Variants in CENPP observed in about 807,000 individuals in gnomAD.
CENPP encodes centromere protein P.
A neutral mutation model predicts 35.6 loss-of-function variants in CENPP; 24 were observed. The ratio of observed to expected loss-of-function variants is 0.67; its 90% CI spans 0.49 to 0.95. CENPP has a LOEUF of 0.95. CENPP is among the 40% of genes least tolerant of loss of function. The pLI is 0.00. For missense variants in CENPP, 332 were observed against 345.3 expected, an observed-to-expected ratio of 0.96 and a Z score of 0.31; for synonymous variants, 120 against 125.5, an observed-to-expected ratio of 0.96 and a Z score of 0.29.
intron 5 of CENPP, among the ~76,000 whole-genome samples, chr9:92,497,653 G>GA (rs1846427139): frequency 6.6e-6 from 1 of 150,482 alleles, no homozygotes; most frequent in South Asian, 2.1e-4. Flanking sequence ...AAAGAAAAAA[G>GA]AAAAAAAGGG....
At chr9:92,500,192 CTT>C (rs368245554) in intron 5 of CENPP, among the ~76,000 whole-genome samples, 31 of 151,836 alleles carry the variant, frequency 2.0e-4, no homozygotes, top group Non-Finnish European at 3.7e-4. Context: ...ATCTGTTAAT[CTT>C]TTTTTTGAGA....
intron 5 of CENPP, among the ~76,000 whole-genome samples, chr9:92,449,431 T>G (rs192417371): frequency 0.026 from 2,152 of 82,404 alleles, 31 homozygotes; most frequent in Middle Eastern, 0.061. Context: ...AGCGAGACTC[T>G]ATCTCCAAAA....
chr9:92,457,896 A>C (rs1178447099), intron 5 of CENPP, among the ~76,000 whole-genome samples: 1 of 152,196 alleles, frequency 6.6e-6, no homozygotes, highest in Non-Finnish European at 1.5e-5. Flanking sequence ...TGGTTACTTC[A>C]GTGCCATATT....
At chr9:92,400,786 T>C (rs1352328218) in intron 5 of CENPP, among the ~76,000 whole-genome samples, 2 of 152,234 alleles carry the variant, frequency 1.3e-5, no homozygotes, top group Admixed American at 6.5e-5. Flanking sequence ...GGCTGCACAT[T>C]GTATTTTGCA....
At chr9:92,488,274 G>A (rs1184931841) in intron 5 of CENPP, among the ~76,000 whole-genome samples, 1 of 152,144 alleles carries the variant, frequency 6.6e-6, no homozygotes, top group Non-Finnish European at 1.5e-5. Flanking sequence ...GGGAATAAAT[G>A]CTAAATAATT....
chr9:92,325,926 T>C (rs1296097569), upstream of CENPP: 2 of 1,347,264 alleles, frequency 1.5e-6, no homozygotes, highest in African/African-American at 1.5e-5. Flanking sequence ...CGCGCGAGGC[T>C]TGAAGCGCGG....
In CENPP at chr9:92,617,873, T is replaced by C. The variant is rs1041856830; in HGVS notation, c.*4724T>C. On this transcript the variant is annotated 3_prime_UTR_variant, in exon 8 of 8. Transcript: ENST00000375587. The stretch of plus-strand genomic sequence containing the variant: ...AGGAAGGCAGATCCAACTTGAGACA[T>C]TTTCCTTTATGACAGGGCAGAAACA... 40 of 210,154 alleles carry C rather than the reference T, an allele frequency of 1.9e-4. No homozygotes were observed. Among genetic ancestry groups the C allele is most frequent in the Non-Finnish European group, 3.2e-4 (33 of 103,170 alleles). 13.0% of individuals were successfully genotyped at this position (210,154 alleles called of 1,614,324 possible).
At chr9:92,474,831 G>A (rs749263045) in intron 5 of CENPP, 11 of 1,613,806 alleles carry the variant, frequency 6.8e-6, no homozygotes, top group Middle Eastern at 3.3e-4. Flanking sequence ...AGTGCGATGT[G>A]TGAAGGGCTA....
At chr9:92,482,969 GGCTCCATGAACT>G (rs1401589479) in intron 5 of CENPP, among the ~76,000 whole-genome samples, 10 of 151,458 alleles carry the variant, frequency 6.6e-5, no homozygotes, top group African/African-American at 2.4e-4. Context: ...CTATGGATGA[GGCTCCATGAACT>G]GCTCCCTGGA....
At chr9:92,463,000 G>T (rs1435831879) in intron 5 of CENPP, among the ~76,000 whole-genome samples, 1 of 152,174 alleles carries the variant, frequency 6.6e-6, no homozygotes, top group Non-Finnish European at 1.5e-5. Context: ...AATGGGGAAG[G>T]TGGGTAACCA....
intron 5 of CENPP, chr9:92,474,779 TCA>T: frequency 6.2e-7 from 1 of 1,613,152 alleles, no homozygotes; most frequent in Non-Finnish European, 8.5e-7. Flanking sequence ...ATCATCATCA[TCA>T]TCATCTGTGT....
chr9:92,385,359 T>A (rs41301527), intron 5 of CENPP: 11,088 of 310,592 alleles, frequency 0.036, 280 homozygotes, highest in South Asian at 0.077. Flanking sequence ...AAAACATGAT[T>A]TTTAAATGGT....
At chr9:92,497,994 C>T (rs1254898083) in intron 5 of CENPP, among the ~76,000 whole-genome samples, 2 of 152,080 alleles carry the variant, frequency 1.3e-5, no homozygotes, top group Non-Finnish European at 2.9e-5. Context: ...AGCCTGAAGG[C>T]CCTCACCAGA....
At position 92,504,302 on chromosome 9, in the gene CENPP, C is replaced by G. The variant is rs144850883; in HGVS notation, c.565-107012C>G. Among the ~76,000 whole-genome samples the G allele has an allele frequency of 1.9e-4, 29 of 152,248 alleles. 1 individual carries two copies. The East Asian group carries it at 4.4e-3, about 23-fold the overall frequency. On this transcript the variant is annotated intron_variant, in intron 5 of 7. Transcript: ENST00000375587. Reference sequence around the variant, plus strand: ...GTGTTACATAACTCTGTCACTTAATCTGGAAATAGGAAGAAGAGGAAGGGT... The same window carrying G: ...GTGTTACATAACTCTGTCACTTAATGTGGAAATAGGAAGAAGAGGAAGGGT...
chr9:92,557,942 C>T lies in CENPP; in HGVS notation c.565-53372C>T, dbSNP rs371287282. On this transcript the variant is annotated intron_variant, in intron 5 of 7. Transcript: ENST00000375587. ...ACAGGCGTGAGCCACCGCGCCTGGC[C>T]TGCATTTCGCATTTCTAAAAGTGTG... Among the ~76,000 whole-genome samples the T allele has an allele frequency of 3.9e-5, 6 of 152,278 alleles. No individual in the cohort carries two copies. The South Asian group carries it at 1.2e-3, about 32-fold the overall frequency.
chr9:92,391,267 C>T (rs914157287), intron 5 of CENPP, among the ~76,000 whole-genome samples: 13 of 151,380 alleles, frequency 8.6e-5, no homozygotes, highest in Admixed American at 4.0e-4. Context: ...ATTAGCCAGG[C>T]GTGGTGGCGA....
chr9:92,510,287 CA>C (rs1847256843), intron 5 of CENPP, among the ~76,000 whole-genome samples: 1 of 152,172 alleles, frequency 6.6e-6, no homozygotes. Context: ...GTTTATATTG[CA>C]GCTTTAGAAA....
chr9:92,605,203 G>T (rs910925830), intron 5 of CENPP, among the ~76,000 whole-genome samples: 3 of 152,130 alleles, frequency 2.0e-5, no homozygotes, highest in Non-Finnish European at 4.4e-5. Context: ...TGGCAAGGCT[G>T]GTCTCGAACT....
At chr9:92,467,291 T>C (rs1219031581) in intron 5 of CENPP, among the ~76,000 whole-genome samples, 1 of 152,186 alleles carries the variant, frequency 6.6e-6, no homozygotes, top group Non-Finnish European at 1.5e-5. Flanking sequence ...GCATGGCTGC[T>C]TGGGTGACCA....
Sources: gnomAD v4.1 joint callset for allele counts (sites outside exome capture counted in the v4.1 genomes callset) on GRCh38, gnomAD v4.1.1 for gene constraint, MANE v1.5 for transcripts, NCBI Gene and HGNC (gene_info 2026-07-23, HGNC 2026-07-21) for gene names.